NAXD: variants seen among roughly 807,000 people sequenced by gnomAD.
The protein encoded by NAXD is NAD(P)HX dehydratase, also known as ATP-dependent (S)-NAD(P)H-hydrate dehydratase.
Under a neutral mutation model 35.8 loss-of-function variants are expected in NAXD, and 22 were observed. The observed-to-expected ratio is 0.62, with a 90% confidence interval of 0.44 to 0.88. NAXD has a LOEUF of 0.88. Among genes scored for constraint, NAXD ranks in the 40% least tolerant of loss-of-function variants. NAXD has a pLI of 0.00. For missense variants in NAXD, 428 were observed against 437.7 expected (o/e 0.98, Z 0.20); for synonymous variants, 189 against 177.6 (o/e 1.06, Z -0.51).
chr13:110,629,929 A>G (rs1886643951), intron 5 of NAXD, among the ~76,000 whole-genome samples: 1 of 152,172 alleles, frequency 6.6e-6, no homozygotes, highest in Non-Finnish European at 1.5e-5. Context: ...GTGGGCGTGG[A>G]GCGACCTCAC....
chr13:110,633,128 G>C (rs1233318717), intron 5 of NAXD, among the ~76,000 whole-genome samples: 1 of 152,210 alleles, frequency 6.6e-6, no homozygotes. Flanking sequence ...CCATGGAGGG[G>C]GTGGGAGGCT....
chr13:110,638,791 A>AC lies in NAXD; in HGVS notation c.*264dup. The AC allele has an allele frequency of 1.6e-6, 1 of 628,096 alleles. No individual in the cohort carries two copies. The highest frequency in any genetic ancestry group is 1.6e-5 in the South Asian group (1 of 61,680). 38.9% of individuals were successfully genotyped at this position (628,096 alleles called of 1,614,324 possible). On this transcript the variant is annotated 3_prime_UTR_variant, in exon 10 of 10. Coordinates refer to ENST00000680254, the MANE Select transcript of NAXD (RefSeq NM_001242882.2). This position sits in a 1 kb window ranked among gnomAD's most constrained non-coding sequence, Gnocchi z 5.4. ...TAGCTCCTTGGTAGTAACTGGGAAG[A>AC]CAGAAATGAAGAAAATCACATGAGA...
chr13:110,623,843 AACT>A (rs1486234875), intron 2 of NAXD, among the ~76,000 whole-genome samples: 1 of 152,076 alleles, frequency 6.6e-6, no homozygotes, highest in Admixed American at 6.5e-5. Context: ...TCCCTACTAA[AACT>A]ACAAAATTAG....
At position 110,631,559 on chromosome 13, in the gene NAXD, G is replaced by GT. The variant is rs1372609440; in HGVS notation, c.442-2983dup. 3.9e-5 allele frequency among the ~76,000 whole-genome samples: 6 copies of GT among 152,260 alleles called. No individual in the cohort carries two copies. The East Asian group carries it at 1.2e-3, about 29-fold the overall frequency. ...CCCATGTAACATTGCATTTTCCAGG[G>GT]TTTGAATATTCACTTTTGAGTACTA... On this transcript the variant is annotated intron_variant, in intron 5 of 9. Coordinates refer to ENST00000680254, the MANE Select transcript of NAXD (RefSeq NM_001242882.2).
intron 3 of NAXD, among the ~76,000 whole-genome samples, 167 bp from the exon 4 acceptor site, chr13:110,625,023 C>T (rs1330468203): frequency 6.6e-6 from 1 of 152,230 alleles, no homozygotes; most frequent in African/African-American, 2.4e-5. Flanking sequence ...GTATTGTGCT[C>T]TGCGCCCTGG....
At position 110,627,440 on chromosome 13, in the gene NAXD, G is replaced by A; in HGVS notation, c.334G>A (p.Asp112Asn). 1 of 1,610,152 alleles carries A rather than the reference G, an allele frequency of 6.2e-7. No homozygotes were observed. Among genetic ancestry groups the A allele is most frequent in the Non-Finnish European group, 8.5e-7 (1 of 1,176,654 alleles). The change falls in exon 5 of 10, where the codon GAC (aspartate) becomes AAC (asparagine). Residue 112 changes from aspartate to asparagine, a missense_variant and splice_region_variant. By Grantham distance (23) the Asp-to-Asn change is conservative (BLOSUM62 1). Coordinates refer to ENST00000680254, the MANE Select transcript of NAXD (RefSeq NM_001242882.2). ...CCTGGCCTTCCTTTCCTTCTTTAGT[G>A]ACAGCCCCAATGCTGTTCATGAGGT... The part of the protein sequence containing the change: ...SPELIVHPVL[D>N]SPNAVHEVEK...
chr13:110,632,460 GC>G (rs1302561073), intron 5 of NAXD, among the ~76,000 whole-genome samples: 1 of 152,124 alleles, frequency 6.6e-6, no homozygotes, highest in Non-Finnish European at 1.5e-5. Flanking sequence ...CTCTTATCCG[GC>G]CCCGCCCACA....
chr13:110,621,060 A>G (rs897123996), intron 1 of NAXD, among the ~76,000 whole-genome samples: 6 of 152,228 alleles, frequency 3.9e-5, no homozygotes, highest in Non-Finnish European at 7.3e-5. Flanking sequence ...ACAACTCAAG[A>G]TGATGAAAAT....
intron 1 of NAXD, among the ~76,000 whole-genome samples, chr13:110,619,472 C>T (rs765490708): frequency 9.1e-4 from 139 of 152,154 alleles, no homozygotes; most frequent in Non-Finnish European, 1.4e-3. Context: ...TTTTAACATC[C>T]GTAAGTTGAA....
intron 1 of NAXD, among the ~76,000 whole-genome samples, chr13:110,621,722 C>T (rs537623081): frequency 6.7e-6 from 1 of 148,788 alleles, no homozygotes; most frequent in African/African-American, 2.5e-5. Flanking sequence ...GCATGTGTTA[C>T]TATATGTGTT....
At position 110,638,478 on chromosome 13, in the gene NAXD, G is replaced by A. The variant is rs761316228; in HGVS notation, c.940G>A (p.Asp314Asn). The part of the protein sequence containing the change: ...QKHGRSTTTS[D>N]MIAEVGAAFS... Reference sequence around the variant, plus strand: ...GCACGGTCGCTCCACCACCACCTCCGACATGATCGCCGAGGTGGGGGCCGC... The same window carrying A: ...GCACGGTCGCTCCACCACCACCTCCAACATGATCGCCGAGGTGGGGGCCGC... Residue 314 changes from aspartate to asparagine, a missense_variant, in exon 10 of 10, where the codon GAC becomes AAC. Coordinates refer to ENST00000680254, the MANE Select transcript of NAXD (RefSeq NM_001242882.2). This position sits in a 1 kb window ranked among gnomAD's most constrained non-coding sequence, Gnocchi z 5.4. 1.3e-5 allele frequency: 21 copies of A among 1,613,058 alleles called. No individual in the cohort carries two copies. In the East Asian group the frequency reaches 2.7e-4, roughly 21 times the overall value.
rs372781742 is a variant in NAXD, at chr13:110,623,993, ACT to A, written c.198-238_198-237del. Among the ~76,000 whole-genome samples, 1,220 of 144,120 alleles carry A rather than the reference ACT, an allele frequency of 8.5e-3. 24 individuals carry two copies. Among genetic ancestry groups the A allele is most frequent in the African/African-American group, 0.03 (1,157 of 38,246 alleles). 94.5% of individuals were successfully genotyped at this position (144,120 alleles called of 152,430 possible). Reference sequence around the variant, plus strand: ...CTCCAGCCTGGGCAACAAGAGTGAAACTCTGTCTCAAAAAAAAAAAAAAAAAA... The same window carrying A: ...CTCCAGCCTGGGCAACAAGAGTGAAACTGTCTCAAAAAAAAAAAAAAAAAA... On this transcript the variant is annotated intron_variant, in intron 2 of 9. Transcript: ENST00000680254.
At chr13:110,630,727 T>G (rs1886668360) in intron 5 of NAXD, among the ~76,000 whole-genome samples, 1 of 152,186 alleles carries the variant, frequency 6.6e-6, no homozygotes, top group African/African-American at 2.4e-5. Flanking sequence ...GTCAGTCTTT[T>G]GCTTGTGGGT....
Position 110,615,619 on chromosome 13 carries a change from C to A in NAXD, c.18C>A (p.Arg6=). MALGP[R]CGAIRACRRV... ...GCTGCCCGATGGCCCTGGGTCCTCGCTGTGGGGCAATCCGGGCTTGCAGAC... is the reference window on the plus strand; with the variant it reads ...GCTGCCCGATGGCCCTGGGTCCTCGATGTGGGGCAATCCGGGCTTGCAGAC... Residue 6 remains arginine, a synonymous_variant, in exon 1 of 10, where the codon CGC becomes CGA. Transcript: ENST00000680254. 6.8e-7 allele frequency: 1 copy of A among 1,470,504 alleles called. No individual in the cohort carries two copies. 91.1% of individuals were successfully genotyped at this position (1,470,504 alleles called of 1,614,324 possible). A position where few individuals can be genotyped will look rare whatever the true frequency, so the allele number is the denominator to read the frequency against.
At chr13:110,626,320 C>T (rs1886482416) in intron 4 of NAXD, among the ~76,000 whole-genome samples, 1 of 152,034 alleles carries the variant, frequency 6.6e-6, no homozygotes, top group African/African-American at 2.4e-5. Context: ...TTGGAAAAGG[C>T]AAGGGGCACA....
intron 8 of NAXD, among the ~76,000 whole-genome samples, chr13:110,635,826 G>A (rs756084000): frequency 2.0e-5 from 3 of 152,262 alleles, no homozygotes; most frequent in East Asian, 1.9e-4. Context: ...GGCCTTACCC[G>A]TTGGTTGAAT....
chr13:110,632,432 G>T (rs1281097442), intron 5 of NAXD, among the ~76,000 whole-genome samples: 2 of 152,150 alleles, frequency 1.3e-5, no homozygotes, highest in Non-Finnish European at 1.5e-5. Context: ...ATGCTGGCTC[G>T]GGCAGCCTGC....
intron 5 of NAXD, among the ~76,000 whole-genome samples, chr13:110,630,149 C>A (rs1036427459): frequency 7.9e-5 from 12 of 152,132 alleles, no homozygotes; most frequent in African/African-American, 2.9e-4. Flanking sequence ...TTTGCCTTGG[C>A]CTCCAAGTAG....
intron 5 of NAXD, among the ~76,000 whole-genome samples, chr13:110,631,613 A>C (rs379324): frequency 0.21 from 31,733 of 152,180 alleles, 3,874 homozygotes; most frequent in African/African-American, 0.34. Context: ...GAAAACACAG[A>C]AACAGATGAA....
Sources: gnomAD v4.1 joint callset for allele counts (sites outside exome capture counted in the v4.1 genomes callset) on GRCh38, gnomAD v4.1.1 for gene constraint, Gnocchi (gnomAD v3.1) non-coding constraint, MANE v1.5 for transcripts, NCBI Gene and HGNC (gene_info 2026-07-23, HGNC 2026-07-21) for gene names.